JMJD1C: variants seen among roughly 807,000 people sequenced by gnomAD.
The protein encoded by JMJD1C is jumonji domain containing 1C.
In JMJD1C, 31 loss-of-function variants were observed where a neutral mutation model predicts 245.3. That is an observed-to-expected ratio of 0.13 (90% CI 0.09 to 0.17). The LOEUF (loss-of-function observed/expected upper bound fraction) is 0.17, where lower values mean the gene tolerates loss of function less well. Among genes scored for constraint, JMJD1C ranks in the 10% least tolerant of loss-of-function variants. JMJD1C has a pLI of 1.00. For missense variants in JMJD1C, 2,691 were observed against 3,000.2 expected (o/e 0.90, Z 2.41); for synonymous variants, 1,057 against 1,017.4 (o/e 1.04, Z -0.74).
chr10:63,320,782 G>A (rs571403222), intron 2 of JMJD1C, among the ~76,000 whole-genome samples: 1 of 152,062 alleles, frequency 6.6e-6, no homozygotes, highest in South Asian at 2.1e-4. Context: ...TCCTGACACC[G>A]AGCTCCTAAA....
chr10:63,361,677 C>A (rs1466721688), intron 2 of JMJD1C, among the ~76,000 whole-genome samples: 3 of 142,334 alleles, frequency 2.1e-5, no homozygotes, highest in African/African-American at 8.2e-5. Context: ...GAGACTGTGC[C>A]GCTGGACTCC....
intron 2 of JMJD1C, among the ~76,000 whole-genome samples, chr10:63,339,881 T>A (rs1271506879): frequency 6.6e-6 from 1 of 152,176 alleles, no homozygotes; most frequent in African/African-American, 2.4e-5. Context: ...CCTTGACAAC[T>A]GTTCTAATTA....
chr10:63,452,066 A>C (rs966398851), intron 1 of JMJD1C, among the ~76,000 whole-genome samples: 22 of 152,170 alleles, frequency 1.4e-4, no homozygotes, highest in Admixed American at 5.2e-4. Context: ...AAAAGCACCA[A>C]CAACAAAATA....
At chr10:63,380,520 A>G (rs374685802) in intron 1 of JMJD1C, 38 bp from the exon 2 acceptor site, 83 of 1,533,000 alleles carry the variant, frequency 5.4e-5, no homozygotes, top group Non-Finnish European at 5.5e-5. Flanking sequence ...TTAGCAAAAT[A>G]GAAGAGTGGT....
chr10:63,481,707 C>A (rs1261467825), intron 1 of JMJD1C, among the ~76,000 whole-genome samples: 3 of 152,100 alleles, frequency 2.0e-5, no homozygotes, highest in Non-Finnish European at 4.4e-5. Flanking sequence ...ATAAATTAAT[C>A]TCCAGTTTAT....
chr10:63,465,275 C>T lies in JMJD1C; in HGVS notation c.168+220G>A, dbSNP rs974476662. 1.9e-5 allele frequency: 10 copies of T among 536,194 alleles called. No individual in the cohort carries two copies. In the African/African-American group the frequency reaches 2.0e-4, roughly 11 times the overall value. 33.2% of individuals were successfully genotyped at this position (536,194 alleles called of 1,614,324 possible). A position where few individuals can be genotyped will look rare whatever the true frequency, so the allele number is the denominator to read the frequency against. ...GGCCAGGGCAGCCTCCGCGGCTATC[C>T]CGGGAGTCCTGCTCCGACACCACCT... On this transcript the variant is annotated intron_variant, in intron 1 of 25. Transcript: ENST00000399262.
At chr10:63,377,686 G>A (rs949960351) in intron 2 of JMJD1C, among the ~76,000 whole-genome samples, 3 of 152,042 alleles carry the variant, frequency 2.0e-5, no homozygotes, top group African/African-American at 7.3e-5. Flanking sequence ...AGTGAGACGA[G>A]ATTGCACCAC....
intron 1 of JMJD1C, chr10:63,382,970 G>A (rs1947328095): frequency 1.3e-5 from 5 of 379,318 alleles, no homozygotes; most frequent in East Asian, 1.5e-4. Context: ...AGCAAATACC[G>A]TCCTATATTT....
At chr10:63,504,556 C>G (rs1251965064) in intron 1 of JMJD1C, among the ~76,000 whole-genome samples, 2 of 152,002 alleles carry the variant, frequency 1.3e-5, no homozygotes, top group Non-Finnish European at 1.5e-5. Context: ...CTTAGTGGGC[C>G]AGGAGGATAA....
At chr10:63,465,437 G>A in intron 1 of JMJD1C, 58 bp downstream of exon 1, 14 of 1,486,988 alleles carry the variant, frequency 9.4e-6, no homozygotes, top group East Asian at 2.4e-5. Flanking sequence ...TGCAAGGTAC[G>A]TCTGCGAGAG....
At chr10:63,351,993 A>T (rs1167402429) in intron 2 of JMJD1C, among the ~76,000 whole-genome samples, 1 of 152,194 alleles carries the variant, frequency 6.6e-6, no homozygotes, top group African/African-American at 2.4e-5. Context: ...TCTAGACCTA[A>T]ATCATTCTCA....
chr10:63,198,453 T>C, intron 12 of JMJD1C, 60 bp downstream of exon 12: 1 of 1,067,282 alleles, frequency 9.4e-7, no homozygotes, highest in African/African-American at 1.6e-5. Flanking sequence ...ACAAACATAA[T>C]TCAAAGAGAA....
intron 3 of JMJD1C, among the ~76,000 whole-genome samples, chr10:63,263,729 C>T (rs61855469): frequency 8.0e-4 from 122 of 152,062 alleles, no homozygotes; most frequent in Admixed American, 3.9e-3. Context: ...GTCAGGAGTT[C>T]GAGACCAGTC....
chr10:63,320,633 CTCT>C (rs1940734998), intron 2 of JMJD1C, among the ~76,000 whole-genome samples: 1 of 152,300 alleles, frequency 6.6e-6, no homozygotes, highest in African/African-American at 2.4e-5. Flanking sequence ...TAAATGGAGA[CTCT>C]TCTTCGACTA....
intron 2 of JMJD1C, among the ~76,000 whole-genome samples, chr10:63,319,182 C>T (rs754520943): frequency 6.7e-5 from 10 of 148,484 alleles, no homozygotes; most frequent in Non-Finnish European, 1.5e-4. Flanking sequence ...GCGTGAACCC[C>T]GGAGGCGGAG....
intron 1 of JMJD1C, among the ~76,000 whole-genome samples, chr10:63,408,666 A>G (rs754024761): frequency 1.3e-5 from 2 of 151,832 alleles, no homozygotes; most frequent in East Asian, 1.9e-4. Flanking sequence ...TAGAATTAAG[A>G]TATTTTCAGA....
chr10:63,407,497 G>C (rs1949238435), intron 1 of JMJD1C, among the ~76,000 whole-genome samples: 1 of 152,080 alleles, frequency 6.6e-6, no homozygotes, highest in African/African-American at 2.4e-5. Flanking sequence ...TTCCCCTATG[G>C]AAATGAGCAG....
Position 63,373,267 on chromosome 10 carries a change from A to G in JMJD1C, c.333+7051T>C, listed in dbSNP as rs533993180. On this transcript the variant is annotated intron_variant, in intron 2 of 25. Coordinates refer to ENST00000399262, the MANE Select transcript of JMJD1C (RefSeq NM_032776.3). The stretch of plus-strand genomic sequence containing the variant: ...AAGCAAAAAAAGACACCACTTCAGC[A>G]TCTTACATGTGGTGCTCCCATAAAT... Among the ~76,000 whole-genome samples, 11 of 152,378 alleles carry G rather than the reference A, an allele frequency of 7.2e-5. No homozygotes were observed. In the South Asian group the frequency reaches 8.3e-4, roughly 11 times the overall value.
chr10:63,238,006 T>TAAAAAAAA (rs35736445), intron 3 of JMJD1C, among the ~76,000 whole-genome samples: 1 of 27,602 alleles, frequency 3.6e-5, no homozygotes, highest in African/African-American at 1.6e-4. Context: ...CCGTCTCTAC[T>TAAAAAAAA]AAAAAAAAAA....
Sources: gnomAD v4.1 joint callset for allele counts (sites outside exome capture counted in the v4.1 genomes callset) on GRCh38, gnomAD v4.1.1 for gene constraint, MANE v1.5 for transcripts, NCBI Gene and HGNC (gene_info 2026-07-23, HGNC 2026-07-21) for gene names.